The following STRBP variants were observed in gnomAD, a reference collection of about 807,000 sequenced individuals.
STRBP encodes the protein spermatid perinuclear RNA binding protein, also known as spermatid perinuclear RNA-binding protein.
A neutral mutation model predicts 80.1 loss-of-function variants in STRBP; 13 were observed. The ratio of observed to expected loss-of-function variants is 0.16; its 90% CI spans 0.11 to 0.26. STRBP has a LOEUF of 0.26. STRBP is among the 10% of genes least tolerant of loss of function. The pLI, the probability that STRBP is intolerant of heterozygous loss-of-function variation, is 1.00. For missense variants in STRBP, 485 were observed against 815.2 expected, an observed-to-expected ratio of 0.59 and a Z score of 4.93; for synonymous variants, 284 against 291.2, an observed-to-expected ratio of 0.98 and a Z score of 0.25.
rs748249681 is a variant in STRBP, at chr9:123,136,224, C to T, written c.1633-43G>A. 9 of 1,607,208 alleles carry T rather than the reference C, an allele frequency of 5.6e-6. No homozygotes were observed. The highest frequency in any genetic ancestry group is 5.1e-5 in the Admixed American group (3 of 58,480). Reference sequence around the variant, plus strand: ...ACCTTGCAATTATCCCATGCAATTCCTCTATGTCCTTTTAATTTAAATAGA... The same window carrying T: ...ACCTTGCAATTATCCCATGCAATTCTTCTATGTCCTTTTAATTTAAATAGA... On this transcript the variant is annotated intron_variant, in intron 15 of 18. Coordinates refer to ENST00000348403, the MANE Select transcript of STRBP (RefSeq NM_018387.5). This position sits in a 1 kb window ranked among gnomAD's most constrained non-coding sequence, Gnocchi z 4.2.
At chr9:123,148,820 G>C (rs1438557624) in intron 11 of STRBP, among the ~76,000 whole-genome samples, 1 of 152,086 alleles carries the variant, frequency 6.6e-6, no homozygotes, top group Non-Finnish European at 1.5e-5. Context: ...CTCTTTGAAG[G>C]TCAAAGATAT....
chr9:123,131,887 C>T (rs187500769), intron 17 of STRBP, among the ~76,000 whole-genome samples: 16 of 152,154 alleles, frequency 1.1e-4, no homozygotes, highest in Non-Finnish European at 2.1e-4. Flanking sequence ...GAGGAAAGCA[C>T]AAAGTGAACC....
At chr9:123,128,341 G>A (rs1473298917) in intron 17 of STRBP, 83 bp from the exon 18 acceptor site, 3 of 1,506,890 alleles carry the variant, frequency 2.0e-6, no homozygotes, top group Non-Finnish European at 1.8e-6. Context: ...CACCTGCTCA[G>A]CACCCTGGGC....
chr9:123,158,306 T>C, intron 10 of STRBP, 26 bp downstream of exon 10: 1 of 1,604,570 alleles, frequency 6.2e-7, no homozygotes, highest in Non-Finnish European at 8.5e-7. Flanking sequence ...CACTAATAAG[T>C]CAGAGTGGCA....
chr9:123,251,908 G>A (rs770137998), intron 1 of STRBP, among the ~76,000 whole-genome samples: 6 of 152,070 alleles, frequency 3.9e-5, no homozygotes, highest in Non-Finnish European at 5.9e-5. Flanking sequence ...TTGGGCATTC[G>A]GCCAGCTGAC....
chr9:123,171,977 G>A (rs1229680298), intron 5 of STRBP, among the ~76,000 whole-genome samples: 3 of 152,194 alleles, frequency 2.0e-5, no homozygotes, highest in Non-Finnish European at 4.4e-5. Flanking sequence ...ACTCAAGAGA[G>A]AAACAATGTG....
intron 18 of STRBP, among the ~76,000 whole-genome samples, chr9:123,127,476 C>G (rs1009032055): frequency 6.6e-6 from 1 of 152,162 alleles, no homozygotes; most frequent in Non-Finnish European, 1.5e-5. Flanking sequence ...ACATGTAGCA[C>G]CTGAGTAGAA....
In STRBP at chr9:123,126,664, T is replaced by G. The variant is rs796702583; in HGVS notation, c.1943-991A>C. On this transcript the variant is annotated intron_variant, in intron 18 of 18. Transcript: ENST00000348403. This position sits in a 1 kb window ranked among gnomAD's most constrained non-coding sequence, Gnocchi z 4.4. Reference sequence around the variant, plus strand: ...AGTATTTTCAAAGGAAAAATCGAGCTCTAGCAAACCTTTACTGAAGAATCT... The same window carrying G: ...AGTATTTTCAAAGGAAAAATCGAGCGCTAGCAAACCTTTACTGAAGAATCT... Among the ~76,000 whole-genome samples, 3 of 152,304 alleles carry G rather than the reference T, an allele frequency of 2.0e-5. No homozygotes were observed. Among genetic ancestry groups the G allele is most frequent in the African/African-American group, 7.2e-5 (3 of 41,552 alleles).
chr9:123,149,737 C>T (rs2036975415), intron 11 of STRBP, among the ~76,000 whole-genome samples: 1 of 152,168 alleles, frequency 6.6e-6, no homozygotes, highest in South Asian at 2.1e-4. Flanking sequence ...ACACTGTTAA[C>T]ATCTTACAGG....
intron 2 of STRBP, among the ~76,000 whole-genome samples, chr9:123,225,334 T>C (rs774548074): frequency 6.6e-6 from 1 of 152,164 alleles, no homozygotes; most frequent in Non-Finnish European, 1.5e-5. Context: ...AAAAGACAGA[T>C]GGGGAAAAAG....
chr9:123,112,045 G>GGCT (rs1324386639), intron 3 of STRBP: 1 of 178,308 alleles, frequency 5.6e-6, no homozygotes, highest in East Asian at 1.9e-4. Context: ...GGGCCTGCCA[G>GGCT]GCTGCTCAGA....
At chr9:123,174,354 T>A (rs1298361992) in intron 4 of STRBP, among the ~76,000 whole-genome samples, 1 of 152,168 alleles carries the variant, frequency 6.6e-6, no homozygotes, top group Non-Finnish European at 1.5e-5. Context: ...GAGAGGATTG[T>A]TTGAGCCCAG....
chr9:123,230,136 G>C (rs535834362), intron 2 of STRBP, among the ~76,000 whole-genome samples: 1 of 152,226 alleles, frequency 6.6e-6, no homozygotes, highest in East Asian at 1.9e-4. Context: ...GGGATATAAA[G>C]GACGATGAAA....
intron 2 of STRBP, among the ~76,000 whole-genome samples, chr9:123,222,921 A>C (rs2040111742): frequency 6.6e-6 from 1 of 152,154 alleles, no homozygotes; most frequent in Non-Finnish European, 1.5e-5. Context: ...CAGAACTGGA[A>C]GCAAAAAAGA....
chr9:123,256,956 C>G (rs1034448106), intron 1 of STRBP, among the ~76,000 whole-genome samples: 1 of 147,658 alleles, frequency 6.8e-6, no homozygotes, highest in African/African-American at 2.5e-5. Context: ...AAACATTATT[C>G]GAGAACCAGT....
intron 2 of STRBP, among the ~76,000 whole-genome samples, chr9:123,201,789 T>C (rs2039333899): frequency 6.6e-6 from 1 of 152,242 alleles, no homozygotes; most frequent in Non-Finnish European, 1.5e-5. Context: ...TTAAGTCCAC[T>C]GTTTCTCAGT....
At position 123,220,474 on chromosome 9, in the gene STRBP, C is replaced by T. The variant is rs12347032; in HGVS notation, c.-165+16356G>A. On this transcript the variant is annotated intron_variant, in intron 2 of 18. Coordinates refer to ENST00000348403, the MANE Select transcript of STRBP (RefSeq NM_018387.5). ...AATATGATATAATCTCATGGGACCA[C>T]TGTACATTGTACAAGCAGTCTGTCA... Among the ~76,000 whole-genome samples, 399 of 152,340 alleles carry T rather than the reference C, an allele frequency of 2.6e-3. 6 individuals carry two copies. Among genetic ancestry groups the T allele is most frequent in the Admixed American group, 0.017 (256 of 15,304 alleles).
intron 3 of STRBP, 26 bp from the exon 4 acceptor site, chr9:123,179,253 T>C: frequency 6.4e-7 from 1 of 1,573,496 alleles, no homozygotes. Context: ...CGAAAACAAT[T>C]ACTTCAACAA....
At chr9:123,256,018 CTTTTT>C (rs11338372) in intron 1 of STRBP, among the ~76,000 whole-genome samples, 1,884 of 71,316 alleles carry the variant, frequency 0.026, 10 homozygotes, top group South Asian at 0.053. Context: ...TCCTTTCTTT[CTTTTT>C]TTTTTTTTTT....
Sources: gnomAD v4.1 joint callset for allele counts (sites outside exome capture counted in the v4.1 genomes callset) on GRCh38, gnomAD v4.1.1 for gene constraint, Gnocchi (gnomAD v3.1) non-coding constraint, MANE v1.5 for transcripts, NCBI Gene and HGNC (gene_info 2026-07-23, HGNC 2026-07-21) for gene names.